BTN2A2: variants seen among roughly 807,000 people sequenced by gnomAD.
The protein encoded by BTN2A2 is butyrophilin 2.
In BTN2A2, 29 loss-of-function variants were observed where a neutral mutation model predicts 34.7. The observed-to-expected ratio is 0.84, with a 90% CI of 0.62 to 1.14. BTN2A2 has a LOEUF of 1.14. BTN2A2 is among the 50% of genes most tolerant of loss of function. The pLI is 0.00. For missense variants in BTN2A2, 612 were observed against 651.5 expected, an observed-to-expected ratio of 0.94 and a Z score of 0.66; for synonymous variants, 240 against 253.1, an observed-to-expected ratio of 0.95 and a Z score of 0.49.
In BTN2A2 at chr6:26,390,707, C is replaced by T. The variant is rs771778516; in HGVS notation, c.952C>T (p.Arg318Ter). The T allele has an allele frequency of 1.1e-5, 17 of 1,614,096 alleles. No homozygotes were observed. The highest frequency in any genetic ancestry group is 8.0e-5 in the African/African-American group (6 of 74,926). ...TTCAGAGCAACTTCAAGAAGAATTG[C>T]GTAAGTTTAGCCTTTCCTGAACTAC... The part of the protein sequence containing the change: ...EIAQQLQEEL[R>*]WRRTFLHAAD... The change falls in exon 6 of 8, where the codon CGA (arginine) becomes TGA (stop). Residue 318 changes from arginine to a stop codon, truncating the protein, a stop_gained and splice_region_variant. Coordinates refer to ENST00000356709, the MANE Select transcript of BTN2A2 (RefSeq NM_006995.5). LOFTEE classifies it low-confidence loss of function (END_TRUNC).
Position 26,385,367 on chromosome 6 carries a change from A to T in BTN2A2, c.442+5A>T, listed in dbSNP as rs1340350558. ...TCCTACGCCTCGTGGTGGCAGGTGC[A>T]TCACTTCATTTTGCTTTATTACTTT... On this transcript the variant is annotated splice_donor_5th_base_variant and intron_variant, in intron 3 of 7. Transcript: ENST00000356709. The T allele has an allele frequency of 1.2e-6, 2 of 1,609,886 alleles. No individual in the cohort carries two copies. The highest frequency in any genetic ancestry group is 1.7e-6 in the Non-Finnish European group (2 of 1,176,926).
In BTN2A2 at chr6:26,393,877, G is replaced by T. The variant is rs1761747377; in HGVS notation, c.*910G>T. 2.0e-6 allele frequency: 1 copy of T among 494,756 alleles called. No homozygotes were observed. The highest frequency in any genetic ancestry group is 2.6e-6 in the Non-Finnish European group (1 of 381,016). The allele number at this position is 494,756 out of a possible 1,614,324, so 30.6% of individuals were successfully genotyped here. A position where few individuals can be genotyped will look rare whatever the true frequency, so the allele number is the denominator to read the frequency against. On this transcript the variant is annotated 3_prime_UTR_variant, in exon 8 of 8. Transcript: ENST00000356709. Reference sequence around the variant, plus strand: ...TGACATTGAAACAAAAATTTAAAATGTTATCTTTTAATTTATGTTAAAATA... The same window carrying T: ...TGACATTGAAACAAAAATTTAAAATTTTATCTTTTAATTTATGTTAAAATA...
intron 5 of BTN2A2, 85 bp from the exon 6 acceptor site, chr6:26,390,602 T>C (rs2076029): frequency 0.43 from 666,025 of 1,546,288 alleles, 149,862 homozygotes; most frequent in African/African-American, 0.79. Context: ...ATAGAAAGGA[T>C]GGTTCCTACG....
rs1045538498 is a variant in BTN2A2, at chr6:26,393,519, G to C, written c.*552G>C. ...AGCTAAAGGGTCCTGGGAGATGATGGCTCATTTCCACCCAACCCCAGGATT... is the reference window on the plus strand; with the variant it reads ...AGCTAAAGGGTCCTGGGAGATGATGCCTCATTTCCACCCAACCCCAGGATT... On this transcript the variant is annotated 3_prime_UTR_variant, in exon 8 of 8. Coordinates refer to ENST00000356709, the MANE Select transcript of BTN2A2 (RefSeq NM_006995.5). 2.0e-6 allele frequency: 2 copies of C among 1,014,640 alleles called. No individual in the cohort carries two copies. The highest frequency in any genetic ancestry group is 5.2e-5 in the Admixed American group (1 of 19,332). The allele number at this position is 1,014,640 out of a possible 1,614,324, so 62.9% of individuals were successfully genotyped here.
Position 26,392,449 on chromosome 6 carries a change from G to T in BTN2A2, c.1054G>T (p.Gly352Cys). 1.2e-6 allele frequency: 2 copies of T among 1,614,236 alleles called. No individual in the cohort carries two copies. The highest frequency in any genetic ancestry group is 1.7e-6 in the Non-Finnish European group (2 of 1,180,046). Residue 352 changes from glycine to cysteine, a missense_variant, in exon 8 of 8, where the codon GGC (glycine) becomes TGC (cysteine). Coordinates refer to ENST00000356709, the MANE Select transcript of BTN2A2 (RefSeq NM_006995.5). ...AGAGGACCGGAGAAGTGTGAGGCGG[G>T]GCCCCTACAGGCAGAGAGTGCCTGA... Reference protein sequence around the residue: ...LSEDRRSVRRGPYRQRVPDNP... With the variant: ...LSEDRRSVRRCPYRQRVPDNP...
rs370826490 is a variant in BTN2A2 at position 26,392,409 on chromosome 6, C to A, written c.1014C>A (p.Pro338=). Residue 338 remains proline (P), a synonymous_variant, in exon 8 of 8, where the codon CCC becomes CCA. Coordinates refer to ENST00000356709, the MANE Select transcript of BTN2A2 (RefSeq NM_006995.5). ...TCCTGGATCCAGACACCGCTCATCCCGAGCTCTTCCTGTCAGAGGACCGGA... is the reference window on the plus strand; with the variant it reads ...TCCTGGATCCAGACACCGCTCATCCAGAGCTCTTCCTGTCAGAGGACCGGA... ...DVVLDPDTAH[P]ELFLSEDRRS... is the part of the protein sequence containing the mutation. The A allele has an allele frequency of 2.5e-6, 4 of 1,614,212 alleles. No homozygotes were observed. The highest frequency in any genetic ancestry group is 1.7e-5 in the Admixed American group (1 of 60,028).
rs1032115669 is a variant in BTN2A2 at position 26,385,149 on chromosome 6, C to T, written c.229C>T (p.Pro77Ser). The T allele has an allele frequency of 1.6e-5, 26 of 1,613,802 alleles. No homozygotes were observed. The highest frequency in any genetic ancestry group is 2.0e-5 in the Non-Finnish European group (24 of 1,180,012). The change falls in exon 3 of 8, where the codon CCC becomes TCC. Residue 77 changes from proline (P) to serine (S), a missense_variant. Pro to Ser is a moderately conservative substitution (Grantham distance 74). Transcript: ENST00000356709. ...GCGGTGGTTCCGGTCTCAGTTCTCC[C>T]CCGCAGTGTTTGTGTATAAGGGTGG... ...EVRWFRSQFS[P>S]AVFVYKGGRE... is the part of the protein sequence containing the mutation.
In BTN2A2 at chr6:26,393,610, G is replaced by T; in HGVS notation, c.*643G>T. 1.0e-6 allele frequency: 1 copy of T among 1,001,648 alleles called. No homozygotes were observed. 62.0% of individuals were successfully genotyped at this position (1,001,648 alleles called of 1,614,324 possible). Reference sequence around the variant, plus strand: ...TGAATGAAGAACATGGACTCATGTGGATGTGGTTTGGCTCAGATGTCCCTG... The same window carrying T: ...TGAATGAAGAACATGGACTCATGTGTATGTGGTTTGGCTCAGATGTCCCTG... On this transcript the variant is annotated 3_prime_UTR_variant, in exon 8 of 8. Transcript: ENST00000356709.
chr6:26,385,274 C>T lies in BTN2A2; in HGVS notation c.354C>T (p.Asn118=), dbSNP rs143017993. ...GCAGCGTGGCCCTGGTCATACATAA[C>T]GTCACAGCCCAGGAGAATGGGATCT... ...NRGSVALVIH[N]VTAQENGIYR... The change falls in exon 3 of 8, where the codon AAC becomes AAT. Residue 118 remains asparagine, a synonymous_variant. Coordinates refer to ENST00000356709, the MANE Select transcript of BTN2A2 (RefSeq NM_006995.5). 3.4e-4 allele frequency: 555 copies of T among 1,614,188 alleles called. 1 individual carries two copies. The highest frequency in any genetic ancestry group is 7.8e-4 in the Admixed American group (47 of 60,020).
chr6:26,389,619 G>A (rs1761441513), intron 4 of BTN2A2, among the ~76,000 whole-genome samples: 2 of 152,228 alleles, frequency 1.3e-5, no homozygotes, highest in African/African-American at 4.8e-5. Context: ...TAATTAACAT[G>A]ATCTCACTTG....
In BTN2A2 at chr6:26,390,775, G is replaced by A. The variant is rs779732237; in HGVS notation, c.953-28G>A. ...TTCTGCTTACTTAGCAGTGTCTCGT[G>A]ACATTCACCTCTGTCTGTCCCTTGC... On this transcript the variant is annotated intron_variant, in intron 6 of 7. Transcript: ENST00000356709. 15 of 1,614,120 alleles carry A rather than the reference G, an allele frequency of 9.3e-6. No homozygotes were observed. The South Asian group carries it at 1.6e-4, about 18-fold the overall frequency.
At position 26,388,190 on chromosome 6, in the gene BTN2A2, T is replaced by G; in HGVS notation, c.620T>G (p.Val207Gly). ...GCTGATGCTGACGGCCTCTTCATGG[T>G]CACCACAGCTGTGATCATCAGAGAC... ...SIADADGLFM[V>G]TTAVIIRDKY... Residue 207 changes from valine to glycine, a missense_variant, in exon 4 of 8, where the codon GTC becomes GGC. By Grantham distance (109) the Val-to-Gly change is moderately radical (BLOSUM62 -3). Coordinates refer to ENST00000356709, the MANE Select transcript of BTN2A2 (RefSeq NM_006995.5). 8.1e-6 allele frequency: 13 copies of G among 1,614,152 alleles called. No individual in the cohort carries two copies. The highest frequency in any genetic ancestry group is 4.5e-5 in the East Asian group (2 of 44,882).
At position 26,392,944 on chromosome 6, in the gene BTN2A2, G is replaced by A; in HGVS notation, c.1549G>A (p.Val517Met). 1.2e-6 allele frequency: 2 copies of A among 1,614,184 alleles called. No individual in the cohort carries two copies. The highest frequency in any genetic ancestry group is 1.7e-6 in the Non-Finnish European group (2 of 1,180,020). Reference sequence around the variant, plus strand: ...TGAAGAGGGCCTGAAACTTCACAGAGTGGGGACCCACCAGAGCCTATAGAA... The same window carrying A: ...TGAAGAGGGCCTGAAACTTCACAGAATGGGGACCCACCAGAGCCTATAGAA... The part of the protein sequence containing the change: ...VPEEGLKLHR[V>M]GTHQSL Residue 517 changes from valine (V) to methionine (M), a missense_variant, in exon 8 of 8, where the codon GTG (valine) becomes ATG (methionine). Val to Met is a conservative substitution (Grantham distance 21, BLOSUM62 1). Transcript: ENST00000356709.
intron 3 of BTN2A2, among the ~76,000 whole-genome samples, chr6:26,387,410 A>G (rs1761271937): frequency 1.3e-5 from 2 of 152,204 alleles, no homozygotes; most frequent in African/African-American, 4.8e-5. Flanking sequence ...CAGAAGTGTC[A>G]GTGACTTTGG....
chr6:26,392,147 G>C (rs1761612346), intron 7 of BTN2A2: 1 of 1,382,976 alleles, frequency 7.2e-7, no homozygotes, highest in Non-Finnish European at 9.9e-7. Context: ...ATTTCATAGA[G>C]CCACAATTCT....
rs564354905 is a variant in BTN2A2 at position 26,393,103 on chromosome 6, C to T, written c.*136C>T. ...GAACATCTTCCAGCTGCCTTTTTCA[C>T]ACCCACTCCAGCCCTCTGCCCCAGT... On this transcript the variant is annotated 3_prime_UTR_variant, in exon 8 of 8. Coordinates refer to ENST00000356709, the MANE Select transcript of BTN2A2 (RefSeq NM_006995.5). 1.4e-4 allele frequency: 220 copies of T among 1,609,728 alleles called. 1 individual carries two copies. The highest frequency in any genetic ancestry group is 8.1e-5 in the Non-Finnish European group (95 of 1,177,834).
Position 26,388,128 on chromosome 6 carries a change from C to G in BTN2A2, c.558C>G (p.Tyr186Ter), listed in dbSNP as rs200834687. ...CCCTCACAGTGTGGAGGGACCCCTACGGTGAGGTTGTGCCCGCCCTGAAGG... is the reference window on the plus strand; with the variant it reads ...CCCTCACAGTGTGGAGGGACCCCTAGGGTGAGGTTGTGCCCGCCCTGAAGG... ...PEPLTVWRDP[Y>*]GEVVPALKEV... Residue 186 changes from tyrosine (Y) to a stop codon, truncating the protein, a stop_gained, in exon 4 of 8, where the codon TAC becomes TAG. Transcript: ENST00000356709. LOFTEE classifies it high-confidence loss of function. The G allele has an allele frequency of 1.1e-4, 179 of 1,614,136 alleles. 2 individuals carry two copies. In the South Asian group the frequency reaches 1.9e-3, roughly 17 times the overall value.
chr6:26,390,018 C>A lies in BTN2A2; in HGVS notation c.738C>A (p.Pro246=). 6.2e-7 allele frequency: 1 copy of A among 1,613,488 alleles called. No individual in the cohort carries two copies. The highest frequency in any genetic ancestry group is 8.5e-7 in the Non-Finnish European group (1 of 1,179,796). The change falls in exon 5 of 8, where the codon CCC becomes CCA. Residue 246 remains proline, a synonymous_variant. Coordinates refer to ENST00000356709, the MANE Select transcript of BTN2A2 (RefSeq NM_006995.5). Reference sequence around the variant, plus strand: ...CTGCCTTTTCAGAATCCTTTATGCCCAGCGCATCTCCCTGGATGGTGGCCC... The same window carrying A: ...CTGCCTTTTCAGAATCCTTTATGCCAAGCGCATCTCCCTGGATGGTGGCCC... The part of the protein sequence containing the change: ...TVIFIPESFM[P]SASPWMVALA...
Position 26,394,538 on chromosome 6 carries a change from TTTGAACTTCAGGAC to T in BTN2A2, c.*1575_*1588del, listed in dbSNP as rs1192124522. 2.0e-6 allele frequency: 1 copy of T among 511,646 alleles called. No individual in the cohort carries two copies. The highest frequency in any genetic ancestry group is 3.5e-6 in the Non-Finnish European group (1 of 288,512). The allele number at this position is 511,646 out of a possible 1,614,324, so 31.7% of individuals were successfully genotyped here. A position where few individuals can be genotyped will look rare whatever the true frequency, so the allele number is the denominator to read the frequency against. ...CATCAGAACTCCTGGCTCTCCGGCC[TTTGAACTTCAGGAC>T]TTGTACCAGGAGGCCCTGGGTTCTC... On this transcript the variant is annotated 3_prime_UTR_variant, in exon 8 of 8. Transcript: ENST00000356709.
Sources: gnomAD v4.1 joint callset for allele counts (sites outside exome capture counted in the v4.1 genomes callset) on GRCh38, gnomAD v4.1.1 for gene constraint, MANE v1.5 for transcripts, NCBI Gene and HGNC (gene_info 2026-07-23, HGNC 2026-07-21) for gene names.